The following FAM149B1 variants were observed in gnomAD, a reference collection of about 807,000 sequenced individuals.
FAM149B1 encodes the protein primary cilium assembly protein FAM149B1.
FAM149B1 carries 56 observed loss-of-function variants against 75.3 expected under a neutral mutation model. That is an observed-to-expected ratio of 0.74 (90% CI 0.60 to 0.93). FAM149B1 has a LOEUF of 0.93. Ranked by LOEUF, FAM149B1 falls within the 40% of genes least tolerant of loss-of-function variation. The probability of loss-of-function intolerance (pLI) is 0.00; values close to 1 mark genes in which losing one functional copy is unlikely to be tolerated. For synonymous variants in FAM149B1, 259 were observed against 256.1 expected (o/e 1.01, Z -0.11); for missense variants, 639 against 708.4 (o/e 0.90, Z 1.11).
intron 3 of FAM149B1, among the ~76,000 whole-genome samples, chr10:73,179,925 CTTA>C (rs2042356941): frequency 6.6e-6 from 1 of 152,010 alleles, no homozygotes; most frequent in African/African-American, 2.4e-5. Flanking sequence ...GGATCTTTCC[CTTA>C]TTATCTGATA....
intron 3 of FAM149B1, among the ~76,000 whole-genome samples, chr10:73,179,185 G>A (rs1385099939): frequency 2.0e-5 from 3 of 151,976 alleles, no homozygotes; most frequent in Non-Finnish European, 4.4e-5. Flanking sequence ...GGATGGTCTC[G>A]ATCTCTTGAC....
intron 5 of FAM149B1, among the ~76,000 whole-genome samples, chr10:73,196,774 A>C (rs1161405135): frequency 6.6e-6 from 1 of 152,148 alleles, no homozygotes. Flanking sequence ...TCTCTAAGAC[A>C]TCTATCAGTC....
intron 7 of FAM149B1, among the ~76,000 whole-genome samples, chr10:73,214,609 A>G (rs537174533): frequency 3.9e-5 from 6 of 152,234 alleles, no homozygotes; most frequent in African/African-American, 1.2e-4. Context: ...ACATTTATTG[A>G]TTTGCATATG....
intron 3 of FAM149B1, among the ~76,000 whole-genome samples, chr10:73,181,099 C>T (rs1181297385): frequency 5.3e-5 from 8 of 151,900 alleles, no homozygotes; most frequent in South Asian, 4.2e-4. Context: ...CTCCGCCTCC[C>T]GGGTTCACAC....
At chr10:73,178,380 A>T (rs143263294) in intron 3 of FAM149B1, among the ~76,000 whole-genome samples, 1,619 of 151,854 alleles carry the variant, frequency 0.011, 23 homozygotes, top group African/African-American at 0.036. Flanking sequence ...AATCCCAGCT[A>T]CTCCAGAGGC....
intron 3 of FAM149B1, among the ~76,000 whole-genome samples, chr10:73,190,019 A>G (rs947368165): frequency 2.0e-5 from 3 of 152,214 alleles, no homozygotes; most frequent in African/African-American, 7.2e-5. Context: ...CAAAATGAAT[A>G]GCATTTGAAA....
chr10:73,206,403 A>G (rs1392092559), intron 5 of FAM149B1, among the ~76,000 whole-genome samples: 3 of 152,256 alleles, frequency 2.0e-5, no homozygotes, highest in Non-Finnish European at 2.9e-5. Context: ...GCCTAGCCAC[A>G]TGACAAAGAA....
chr10:73,174,746 T>C lies in FAM149B1; in HGVS notation c.107T>C (p.Ile36Thr). 6.4e-7 allele frequency: 1 copy of C among 1,551,452 alleles called. No individual in the cohort carries two copies. The highest frequency in any genetic ancestry group is 8.7e-7 in the Non-Finnish European group (1 of 1,146,818). The change falls in exon 2 of 14, where the codon ATT (isoleucine) becomes ACT (threonine). Residue 36 changes from isoleucine to threonine, a missense_variant. Transcript: ENST00000242505. The stretch of plus-strand genomic sequence containing the variant: ...CCCCCTCCAGAGAAGCTGGAGGAAA[T>C]TTCCCCCACCAGTGACAGTCATGAG... ...HHPPPEKLEEISPTSDSHEKD... is the reference protein window; with the variant it reads ...HHPPPEKLEETSPTSDSHEKD...
rs2043945212 is a variant in FAM149B1 at position 73,241,193 on chromosome 10, T to C, written c.*174T>C. The C allele has an allele frequency of 1.7e-6, 1 of 581,848 alleles. No individual in the cohort carries two copies. The highest frequency in any genetic ancestry group is 3.1e-6 in the Non-Finnish European group (1 of 323,246). 36.0% of individuals were successfully genotyped at this position (581,848 alleles called of 1,614,324 possible). ...AACACCATAGCAGCCAAAAATGACA[T>C]GAGTGTTGTTTCTATCTCCAGTTAC... On this transcript the variant is annotated 3_prime_UTR_variant, in exon 14 of 14. Transcript: ENST00000242505.
chr10:73,217,299 G>C (rs557059024), intron 7 of FAM149B1, among the ~76,000 whole-genome samples: 1 of 152,242 alleles, frequency 6.6e-6, no homozygotes, highest in Non-Finnish European at 1.5e-5. Context: ...TTTCTGTTGG[G>C]TAAATTCTTC....
Position 73,243,376 on chromosome 10 carries a change from G to A in FAM149B1, c.*2357G>A. ...TACGATGGCATCAATTTACACCTAA[G>A]GACCTTTGAAGAGAAAAATTCCATT... On this transcript the variant is annotated 3_prime_UTR_variant, in exon 14 of 14. Transcript: ENST00000242505. The A allele has an allele frequency of 6.2e-7, 1 of 1,611,828 alleles. No homozygotes were observed. Among genetic ancestry groups the A allele is most frequent in the Non-Finnish European group, 8.5e-7 (1 of 1,179,660 alleles).
Position 73,228,127 on chromosome 10 carries a change from T to C in FAM149B1, c.966T>C (p.His322=). 2.6e-6 allele frequency: 4 copies of C among 1,551,440 alleles called. No homozygotes were observed. Among genetic ancestry groups the C allele is most frequent in the Middle Eastern group, 1.7e-4 (1 of 5,990 alleles). The change falls in exon 8 of 14, where the codon CAT becomes CAC. Residue 322 remains histidine (H), a synonymous_variant. Coordinates refer to ENST00000242505, the MANE Select transcript of FAM149B1 (RefSeq NM_173348.2). ...GTTCCTGTGTGCTGAGTGAACTACATCCTTTGGTGTTACCGCGAGTGCCAC... is the reference window on the plus strand; with the variant it reads ...GTTCCTGTGTGCTGAGTGAACTACACCCTTTGGTGTTACCGCGAGTGCCAC... The part of the protein sequence containing the change: ...SESSCVLSEL[H]PLVLPRVPQS...
intron 2 of FAM149B1, 42 bp downstream of exon 2, chr10:73,174,833 C>A: frequency 7.4e-7 from 1 of 1,352,568 alleles, no homozygotes. Flanking sequence ...TGCACTTGCT[C>A]ATGGCAGAGG....
intron 7 of FAM149B1, among the ~76,000 whole-genome samples, chr10:73,220,796 G>C (rs887878500): frequency 1.2e-4 from 18 of 152,186 alleles, no homozygotes; most frequent in Non-Finnish European, 2.2e-4. Flanking sequence ...GTGGCCACCG[G>C]AAAGCCAGGA....
intron 4 of FAM149B1, among the ~76,000 whole-genome samples, chr10:73,193,210 A>G (rs1447271061): frequency 1.3e-5 from 2 of 152,112 alleles, no homozygotes; most frequent in African/African-American, 2.4e-5. Context: ...ATTATAGAGC[A>G]TGAAGGGCAG....
chr10:73,240,512 A>G (rs199904502), intron 13 of FAM149B1, among the ~76,000 whole-genome samples: 44 of 152,266 alleles, frequency 2.9e-4, no homozygotes, highest in East Asian at 2.1e-3. Context: ...GCATATTGAG[A>G]CCATCCTGGC....
intron 7 of FAM149B1, among the ~76,000 whole-genome samples, chr10:73,216,863 T>C (rs1023132037): frequency 4.6e-5 from 7 of 152,182 alleles, no homozygotes; most frequent in African/African-American, 7.2e-5. Context: ...TTCTGACATA[T>C]GTATACACCC....
intron 3 of FAM149B1, among the ~76,000 whole-genome samples, chr10:73,181,875 A>G (rs191885391): frequency 1.4e-4 from 21 of 152,248 alleles, no homozygotes; most frequent in African/African-American, 5.1e-4. Context: ...TGGGACCTAT[A>G]TCTCTCTTTA....
intron 1 of FAM149B1, 75 bp downstream of exon 1, chr10:73,168,461 G>A: frequency 6.6e-7 from 1 of 1,503,828 alleles, no homozygotes; most frequent in Non-Finnish European, 9.0e-7. Flanking sequence ...CCAGTCCTTC[G>A]TTCCTTTCCT....
Sources: gnomAD v4.1 joint callset for allele counts (sites outside exome capture counted in the v4.1 genomes callset) on GRCh38, gnomAD v4.1.1 for gene constraint, MANE v1.5 for transcripts, NCBI Gene and HGNC (gene_info 2026-07-23, HGNC 2026-07-21) for gene names.